Variants in RBFOX1 observed in about 807,000 individuals in gnomAD.
RBFOX1 encodes the protein RNA binding protein fox-1 homolog 1.
In RBFOX1, 8 loss-of-function variants were observed where a neutral mutation model predicts 57.7. The observed-to-expected ratio is 0.14, with a 90% confidence interval of 0.08 to 0.25. The LOEUF is 0.25. Among genes scored for constraint, RBFOX1 ranks in the 10% least tolerant of loss-of-function variants. The pLI is 1.00. For synonymous variants in RBFOX1, 326 were observed against 222.4 expected (o/e 1.47, Z -4.15); for missense variants, 611 against 548.5 (o/e 1.11, Z -1.14).
chr16:6,780,377 A>T (rs1203809097), intron 3 of RBFOX1, among the ~76,000 whole-genome samples: 7 of 102,964 alleles, frequency 6.8e-5, no homozygotes, highest in African/African-American at 3.1e-4. Flanking sequence ...TTATAGATAT[A>T]TTTATACATA....
chr16:7,118,646 A>G (rs575192888), intron 4 of RBFOX1, among the ~76,000 whole-genome samples: 36 of 152,150 alleles, frequency 2.4e-4, no homozygotes, highest in Non-Finnish European at 4.9e-4. Flanking sequence ...GTCATATTCC[A>G]TTGGTTAGAA....
chr16:7,112,732 C>T (rs1407110508), intron 4 of RBFOX1, among the ~76,000 whole-genome samples: 1 of 139,702 alleles, frequency 7.2e-6, no homozygotes, highest in Non-Finnish European at 1.6e-5. Flanking sequence ...AAGTGAAAAG[C>T]TCTTGTGACC....
At chr16:6,759,846 A>G (rs1436204809) in intron 3 of RBFOX1, among the ~76,000 whole-genome samples, 2 of 152,194 alleles carry the variant, frequency 1.3e-5, no homozygotes, top group Non-Finnish European at 2.9e-5. Flanking sequence ...GACAGTGGAA[A>G]ATTACCCAAA....
chr16:6,541,903 G>A (rs777801001), intron 2 of RBFOX1, among the ~76,000 whole-genome samples: 3 of 151,934 alleles, frequency 2.0e-5, no homozygotes, highest in Non-Finnish European at 4.4e-5. Flanking sequence ...CTGTGCAGCA[G>A]GTAGTGTTCA....
At chr16:6,386,803 T>C (rs1205179030) in intron 2 of RBFOX1, among the ~76,000 whole-genome samples, 1 of 152,110 alleles carries the variant, frequency 6.6e-6, no homozygotes, top group African/African-American at 2.4e-5. Flanking sequence ...AGCAGAAATA[T>C]AAAGAATTAT....
chr16:6,709,084 G>T (rs1006335418), intron 3 of RBFOX1, among the ~76,000 whole-genome samples: 3 of 151,870 alleles, frequency 2.0e-5, no homozygotes, highest in African/African-American at 7.3e-5. Flanking sequence ...CTCAAGCACA[G>T]ATTATTAAAA....
intron 4 of RBFOX1, among the ~76,000 whole-genome samples, chr16:7,466,889 G>A (rs751294962): frequency 6.6e-6 from 1 of 152,128 alleles, no homozygotes; most frequent in Non-Finnish European, 1.5e-5. Flanking sequence ...GAATGACCAG[G>A]AATGGTCTCT....
At chr16:7,348,926 A>G (rs981247780) in intron 4 of RBFOX1, among the ~76,000 whole-genome samples, 1 of 152,144 alleles carries the variant, frequency 6.6e-6, no homozygotes, top group African/African-American at 2.4e-5. Context: ...TGGGTGACAC[A>G]GCGAGACTCC....
intron 3 of RBFOX1, among the ~76,000 whole-genome samples, chr16:6,926,034 C>T (rs965371242): frequency 6.6e-5 from 10 of 152,078 alleles, no homozygotes; most frequent in African/African-American, 1.4e-4. Flanking sequence ...GCTGGCTGGG[C>T]TTGGTGGCTC....
chr16:7,328,325 C>A (rs896742899), intron 4 of RBFOX1, among the ~76,000 whole-genome samples: 1 of 151,670 alleles, frequency 6.6e-6, no homozygotes, highest in Admixed American at 6.6e-5. Flanking sequence ...ACTAAAAATA[C>A]AAAAATTAGG....
intron 1 of RBFOX1, among the ~76,000 whole-genome samples, chr16:5,456,724 G>A (rs567774563): frequency 6.6e-6 from 1 of 152,168 alleles, no homozygotes; most frequent in East Asian, 1.9e-4. Context: ...GCTGTTAGCT[G>A]GGGAACTTTC....
At chr16:6,196,243 G>A (rs1240822579) in intron 1 of RBFOX1, among the ~76,000 whole-genome samples, 1 of 152,160 alleles carries the variant, frequency 6.6e-6, no homozygotes, top group African/African-American at 2.4e-5. Context: ...TTGAATTCAG[G>A]ATTCCTAAGC....
rs538627121 is a variant in RBFOX1, at chr16:7,053,582, T to A, written c.27+1484T>A. Reference sequence around the variant, plus strand: ...AATTAAGATAATATTGAAATCTCTATTGCAAATGACACTTGCTTGGCAAGT... The same window carrying A: ...AATTAAGATAATATTGAAATCTCTAATGCAAATGACACTTGCTTGGCAAGT... On this transcript the variant is annotated intron_variant, in intron 4 of 15. Transcript: ENST00000550418. Among the ~76,000 whole-genome samples the A allele has an allele frequency of 2.6e-5, 4 of 152,314 alleles. No homozygotes were observed. In the South Asian group the frequency reaches 8.3e-4, roughly 32 times the overall value.
chr16:5,600,486 CAAAAAAAAA>C (rs34621437), downstream of RBFOX1, among the ~76,000 whole-genome samples: 1 of 90,296 alleles, frequency 1.1e-5, no homozygotes, highest in African/African-American at 4.6e-5. Context: ...GAGCCTGTCT[CAAAAAAAAA>C]AAAAAAAAAA....
intron 5 of RBFOX1, among the ~76,000 whole-genome samples, chr16:7,519,141 C>T (rs1047448549): frequency 9.9e-5 from 15 of 152,082 alleles, no homozygotes; most frequent in Non-Finnish European, 1.8e-4. Flanking sequence ...CGATGATTGC[C>T]GGATGCATCT....
intron 1 of RBFOX1, among the ~76,000 whole-genome samples, chr16:6,093,357 T>A (rs1056815467): frequency 6.6e-6 from 1 of 152,102 alleles, no homozygotes; most frequent in Non-Finnish European, 1.5e-5. Flanking sequence ...GAAGATCTGT[T>A]GAGACCAAGA....
chr16:7,330,706 G>A (rs1421341373), intron 4 of RBFOX1, among the ~76,000 whole-genome samples: 2 of 151,964 alleles, frequency 1.3e-5, no homozygotes, highest in Non-Finnish European at 2.9e-5. Context: ...TAAATTTGTT[G>A]CCTGAATGAT....
chr16:6,214,494 C>G (rs74652114), intron 1 of RBFOX1, among the ~76,000 whole-genome samples: 2,199 of 78,884 alleles, frequency 0.028, 75 homozygotes, highest in African/African-American at 0.1. Context: ...GAGAGGGAGA[C>G]AGGGAGAGAG....
chr16:6,364,187 T>C lies in RBFOX1; in HGVS notation c.-64+47130T>C, dbSNP rs1259935884. 2.0e-5 allele frequency among the ~76,000 whole-genome samples: 3 copies of C among 152,214 alleles called. No homozygotes were observed. The East Asian group carries it at 5.8e-4, about 29-fold the overall frequency. On this transcript the variant is annotated intron_variant, in intron 2 of 15. Coordinates refer to ENST00000550418, the MANE Select transcript of RBFOX1 (RefSeq NM_018723.4). ...TGCAAGCCAGGAAAAATAGGACCTTTTTCAAATTGCATGCTTCGAAGATGC... is the reference window on the plus strand; with the variant it reads ...TGCAAGCCAGGAAAAATAGGACCTTCTTCAAATTGCATGCTTCGAAGATGC...
Sources: allele counts gnomAD v4.1 joint callset (sites outside exome capture counted in the v4.1 genomes callset), GRCh38; gene constraint gnomAD v4.1.1; transcripts MANE v1.5; gene names NCBI Gene and HGNC (gene_info 2026-07-23, HGNC 2026-07-21).